The following CENPT variants were observed in gnomAD, a reference collection of about 807,000 sequenced individuals.
CENPT encodes the protein centromere protein T, also known as interphase centromere complex protein 22.
In CENPT, 42 loss-of-function variants were observed where a neutral mutation model predicts 59.7. That is an observed-to-expected ratio of 0.70 (90% CI 0.55 to 0.91). The LOEUF (loss-of-function observed/expected upper bound fraction) is 0.91. CENPT is among the 40% of genes least tolerant of loss of function. The probability of loss-of-function intolerance (pLI) is 0.00; values close to 1 mark genes in which losing one functional copy is unlikely to be tolerated. For missense variants in CENPT, 716 were observed against 713.4 expected (o/e 1.00, Z -0.04); for synonymous variants, 295 against 289.6 (o/e 1.02, Z -0.19).
At chr16:67,844,931 G>C (rs1202166385) in intron 1 of CENPT, among the ~76,000 whole-genome samples, 1 of 152,040 alleles carries the variant, frequency 6.6e-6, no homozygotes, top group Non-Finnish European at 1.5e-5. Context: ...TGGGATTATA[G>C]GCACCCGCCA....
In CENPT at chr16:67,828,490, C is replaced by T. The variant is rs758161409; in HGVS notation, c.1546G>A (p.Glu516Lys). 2 of 1,614,238 alleles carry T rather than the reference C, an allele frequency of 1.2e-6. No homozygotes were observed. Among genetic ancestry groups the T allele is most frequent in the Non-Finnish European group, 1.7e-6 (2 of 1,180,050 alleles). ...CCTTCTCACCGCCGCATCAGCAGCT[C>T]CAGGTCCTCTGGCTTCACAGTCTTG... is the stretch of plus-strand genomic sequence containing the variant. ...GRKTVKPEDL[E>K]LLMRRQGLVT... Residue 516 changes from glutamate to lysine, a missense_variant, in exon 15 of 16, where the codon GAG becomes AAG. Glu to Lys is a moderately conservative substitution (Grantham distance 56). Transcript: ENST00000562787.
chr16:67,844,903 C>T (rs1009175558), intron 1 of CENPT, among the ~76,000 whole-genome samples: 3 of 151,906 alleles, frequency 2.0e-5, no homozygotes, highest in Admixed American at 2.0e-4. Flanking sequence ...ATTCTTCTGC[C>T]TCACCCTCCT....
chr16:67,830,240 T>G (rs774603033), intron 11 of CENPT, 150 bp downstream of exon 11: 15 of 1,231,276 alleles, frequency 1.2e-5, no homozygotes. Context: ...TGAAGTCTCC[T>G]GGCCCAACAT....
chr16:67,840,980 C>T (rs1019836016), intron 1 of CENPT, among the ~76,000 whole-genome samples: 23 of 141,454 alleles, frequency 1.6e-4, no homozygotes, highest in African/African-American at 6.1e-4. Context: ...AGAAACATGG[C>T]GAAACCCCGT....
intron 1 of CENPT, chr16:67,846,746 A>C (rs1364041355): frequency 6.6e-6 from 1 of 152,402 alleles, no homozygotes; most frequent in Non-Finnish European, 1.5e-5. Flanking sequence ...TTGCCCCGGC[A>C]GCCTCCCTCC....
At chr16:67,836,415 A>G (rs567240113) in intron 1 of CENPT, among the ~76,000 whole-genome samples, 1 of 150,788 alleles carries the variant, frequency 6.6e-6, no homozygotes, top group Admixed American at 6.6e-5. Flanking sequence ...TGAACTATTG[A>G]ATAATATGGA....
At chr16:67,836,716 G>T (rs2057736445) in intron 1 of CENPT, among the ~76,000 whole-genome samples, 1 of 152,056 alleles carries the variant, frequency 6.6e-6, no homozygotes, top group African/African-American at 2.4e-5. Flanking sequence ...TGGGATTACA[G>T]GCATGTGCCA....
In CENPT at chr16:67,833,874, G is replaced by A. The variant is rs2057718030; in HGVS notation, c.-15C>T. 6.7e-7 allele frequency: 1 copy of A among 1,485,960 alleles called. No individual in the cohort carries two copies. The highest frequency in any genetic ancestry group is 8.9e-7 in the Non-Finnish European group (1 of 1,119,988). The allele number at this position is 1,485,960 out of a possible 1,614,324, so 92.0% of individuals were successfully genotyped here. ...TGGTCAGCCATCGTCTCGGCCCCGG[G>A]CCCTCCTAACCGCCCAGCCAGCTGC... On this transcript the variant is annotated 5_prime_UTR_variant, in exon 4 of 16. Coordinates refer to ENST00000562787, the MANE Select transcript of CENPT (RefSeq NM_025082.4).
rs773356250 is a variant in CENPT at position 67,843,115 on chromosome 16, C to A, written c.-492+4286G>T. ...CTCCCACTGGAGAAGACGTGAAGCC[C>A]ATCGATCTCACAGTGCAAGTGGAGT... On this transcript the variant is annotated intron_variant, in intron 1 of 15. Coordinates refer to ENST00000562787, the MANE Select transcript of CENPT (RefSeq NM_025082.4). The surrounding 1 kb of genome is among the most constrained non-coding windows in gnomAD (Gnocchi z 5.7). 1.2e-6 allele frequency: 2 copies of A among 1,610,604 alleles called. No individual in the cohort carries two copies. Among genetic ancestry groups the A allele is most frequent in the South Asian group, 2.2e-5 (2 of 91,080 alleles).
In CENPT at chr16:67,831,266, T is replaced by C. The variant is rs2057685597; in HGVS notation, c.653A>G (p.Asp218Gly). The C allele has an allele frequency of 6.2e-7, 1 of 1,613,986 alleles. No homozygotes were observed. Among genetic ancestry groups the C allele is most frequent in the African/African-American group, 1.3e-5 (1 of 74,916 alleles). ...CAGATCCCGCAAAAAGGCACCCACG[T>C]CTACAGCTCGGCGGGCTGGAGGTCT... ...ARRPPARRAV[D>G]VGAFLRDLRD... The change falls in exon 10 of 16, where the codon GAC (aspartate) becomes GGC (glycine). Residue 218 changes from aspartate (D) to glycine (G), a missense_variant. Coordinates refer to ENST00000562787, the MANE Select transcript of CENPT (RefSeq NM_025082.4).
intron 15 of CENPT, 39 bp downstream of exon 15, chr16:67,828,435 C>T (rs770314971): frequency 6.2e-7 from 1 of 1,613,702 alleles, no homozygotes; most frequent in Admixed American, 1.7e-5. Flanking sequence ...AGCACCAAAA[C>T]TCCCCCAGCC....
chr16:67,832,615 C>T, intron 4 of CENPT, 70 bp from the exon 5 acceptor site: 6 of 1,380,314 alleles, frequency 4.3e-6, no homozygotes, highest in Non-Finnish European at 6.1e-6. Context: ...GACATGCCTT[C>T]ATCAGGGGTC....
In CENPT at chr16:67,831,236, T is replaced by G. The variant is rs1355517709; in HGVS notation, c.683A>C (p.Asp228Ala). Residue 228 changes from aspartate to alanine, a missense_variant, in exon 10 of 16, where the codon GAT (aspartate) becomes GCT (alanine). Transcript: ENST00000562787. ...DVGAFLRDLR[D>A]TSLAPPNIVL... is the part of the protein sequence containing the mutation. The stretch of plus-strand genomic sequence containing the variant: ...CTTACTTGGAGGAGCCAGGGAAGTA[T>G]CTCGCAGATCCCGCAAAAAGGCACC... The G allele has an allele frequency of 6.2e-7, 1 of 1,613,808 alleles. No individual in the cohort carries two copies. The highest frequency in any genetic ancestry group is 1.1e-5 in the South Asian group (1 of 91,076).
At chr16:67,838,283 A>G (rs2151287868) in intron 1 of CENPT, among the ~76,000 whole-genome samples, 1 of 152,322 alleles carries the variant, frequency 6.6e-6, no homozygotes, top group South Asian at 2.1e-4. Context: ...TTTGAACCAT[A>G]ACAGTTACAA....
intron 1 of CENPT, among the ~76,000 whole-genome samples, chr16:67,845,548 AGC>A (rs1344666395): frequency 2.0e-5 from 3 of 152,166 alleles, no homozygotes; most frequent in African/African-American, 7.2e-5. Flanking sequence ...TCCCGGTCGG[AGC>A]AAGGCCTTTT....
At position 67,830,647 on chromosome 16, in the gene CENPT, T is replaced by A. The variant is rs983309968; in HGVS notation, c.704-99A>T. 12 of 1,307,486 alleles carry A rather than the reference T, an allele frequency of 9.2e-6. No homozygotes were observed. The South Asian group carries it at 1.4e-4, about 15-fold the overall frequency. The allele number at this position is 1,307,486 out of a possible 1,614,324, so 81.0% of individuals were successfully genotyped here. A position where few individuals can be genotyped will look rare whatever the true frequency, so the allele number is the denominator to read the frequency against. ...CAGGCCCACCGGCTGCTACTCAGCG[T>A]TGCCAGGGCCTGGACAGTGGGCTGC... On this transcript the variant is annotated intron_variant, in intron 10 of 15. Transcript: ENST00000562787.
At chr16:67,844,121 C>T in intron 1 of CENPT, 2 of 167,028 alleles carry the variant, frequency 1.2e-5, no homozygotes. Context: ...ATTCTATTTT[C>T]TGTACAATTA....
chr16:67,838,281 A>G (rs1279304698), intron 1 of CENPT, among the ~76,000 whole-genome samples: 1 of 152,224 alleles, frequency 6.6e-6, no homozygotes, highest in South Asian at 2.1e-4. Context: ...AGTTTGAACC[A>G]TAACAGTTAC....
intron 1 of CENPT, among the ~76,000 whole-genome samples, chr16:67,845,102 GATTGAAT>G (rs2057788721): frequency 6.6e-6 from 1 of 152,004 alleles, no homozygotes; most frequent in African/African-American, 2.4e-5. Flanking sequence ...TTTTTTCTTA[GATTGAAT>G]ATTGAAGGGG....
Sources: gnomAD v4.1 joint callset for allele counts (sites outside exome capture counted in the v4.1 genomes callset) on GRCh38, gnomAD v4.1.1 for gene constraint, Gnocchi (gnomAD v3.1) non-coding constraint, MANE v1.5 for transcripts, NCBI Gene and HGNC (gene_info 2026-07-23, HGNC 2026-07-21) for gene names.